Variants in ARHGAP22 observed in about 807,000 individuals in gnomAD.
The protein encoded by ARHGAP22 is Rho GTPase activating protein 22.
ARHGAP22 carries 48 observed loss-of-function variants against 59.1 expected under a neutral mutation model. The observed-to-expected ratio is 0.81, with a 90% CI of 0.64 to 1.03. The LOEUF is 1.03. Ranked by LOEUF, ARHGAP22 falls within the 50% of genes least tolerant of loss-of-function variation. ARHGAP22 has a pLI of 0.00. For synonymous variants in ARHGAP22, 445 were observed against 416.4 expected, an observed-to-expected ratio of 1.07 and a Z score of -0.84; for missense variants, 1,015 against 958.7, an observed-to-expected ratio of 1.06 and a Z score of -0.78.
At chr10:48,627,509 T>C (rs1274501379) in intron 1 of ARHGAP22, among the ~76,000 whole-genome samples, 4 of 152,216 alleles carry the variant, frequency 2.6e-5, no homozygotes, top group African/African-American at 4.8e-5. Flanking sequence ...GTACTCACTC[T>C]AGGTTCAAGG....
At chr10:48,508,984 G>A (rs146823304) in intron 3 of ARHGAP22, among the ~76,000 whole-genome samples, 157 of 152,372 alleles carry the variant, frequency 1.0e-3, no homozygotes, top group African/African-American at 3.6e-3. Context: ...TATCTAATGG[G>A]AAACAGAGGT....
intron 1 of ARHGAP22, among the ~76,000 whole-genome samples, chr10:48,622,350 T>C (rs1308550926): frequency 2.6e-5 from 4 of 152,222 alleles, no homozygotes; most frequent in African/African-American, 9.6e-5. Context: ...CTTCTTTTGT[T>C]TGGTTGGGTT....
At chr10:48,454,252 G>C in intron 6 of ARHGAP22, 91 bp from the exon 7 acceptor site, 1 of 1,233,162 alleles carries the variant, frequency 8.1e-7, no homozygotes, top group Non-Finnish European at 1.2e-6. Context: ...GAGAAGGGAG[G>C]TGGGGGCTAC....
chr10:48,478,068 C>T (rs2048911298), intron 4 of ARHGAP22, among the ~76,000 whole-genome samples: 1 of 152,154 alleles, frequency 6.6e-6, no homozygotes, highest in African/African-American at 2.4e-5. Context: ...AATGTTCCTT[C>T]CCTGGTGCTC....
At chr10:48,578,783 T>C (rs539004716) in intron 2 of ARHGAP22, among the ~76,000 whole-genome samples, 1 of 152,332 alleles carries the variant, frequency 6.6e-6, no homozygotes, top group East Asian at 1.9e-4. Context: ...TGCTGTCTTT[T>C]CTCAGTAGGT....
intron 3 of ARHGAP22, among the ~76,000 whole-genome samples, chr10:48,486,995 T>C (rs1364749206): frequency 6.6e-6 from 1 of 152,240 alleles, no homozygotes; most frequent in Non-Finnish European, 1.5e-5. Context: ...GTTTCACTAG[T>C]TATGGGTAAT....
chr10:48,438,657 CAAGT>C, the ARHGAP22 span: 14 of 152,312 alleles, frequency 9.2e-5, no homozygotes, highest in Admixed American at 9.1e-4. Context: ...TATGCTTTCC[CAAGT>C]AAGCTGTTGC....
intron 3 of ARHGAP22, among the ~76,000 whole-genome samples, chr10:48,499,400 GAA>G (rs1445056434): frequency 2.6e-5 from 4 of 152,206 alleles, no homozygotes; most frequent in Non-Finnish European, 5.9e-5. Flanking sequence ...GGGGAAATCT[GAA>G]AAGACACTTG....
At chr10:48,549,114 A>G (rs1232134684) in intron 3 of ARHGAP22, among the ~76,000 whole-genome samples, 1 of 152,238 alleles carries the variant, frequency 6.6e-6, no homozygotes, top group Non-Finnish European at 1.5e-5. Context: ...TTAGCCCACT[A>G]GCACTCATAC....
intron 3 of ARHGAP22, among the ~76,000 whole-genome samples, chr10:48,506,047 C>T (rs1316100813): frequency 6.6e-6 from 1 of 152,136 alleles, no homozygotes; most frequent in Non-Finnish European, 1.5e-5. Context: ...GACGCTCCTT[C>T]CCTCTTCACG....
chr10:48,564,238 T>C (rs2135420576), intron 2 of ARHGAP22, among the ~76,000 whole-genome samples: 1 of 152,340 alleles, frequency 6.6e-6, no homozygotes, highest in South Asian at 2.1e-4. Flanking sequence ...TAACATTTTT[T>C]ACTACACAAA....
intron 2 of ARHGAP22, among the ~76,000 whole-genome samples, chr10:48,571,351 G>T (rs1249997834): frequency 6.6e-6 from 1 of 152,186 alleles, no homozygotes; most frequent in African/African-American, 2.4e-5. Context: ...CCCTTAGCAA[G>T]ATTTCTTTTC....
At chr10:48,526,249 A>G (rs1218034317) in intron 3 of ARHGAP22, among the ~76,000 whole-genome samples, 4 of 152,230 alleles carry the variant, frequency 2.6e-5, no homozygotes, top group Non-Finnish European at 5.9e-5. Flanking sequence ...AGAATGACTT[A>G]GAGCAGGGAA....
chr10:48,608,314 C>T (rs562702835), upstream of ARHGAP22, among the ~76,000 whole-genome samples: 1 of 152,248 alleles, frequency 6.6e-6, no homozygotes, highest in East Asian at 1.9e-4. Context: ...GTGCACTGCT[C>T]AAAGGTGTCC....
chr10:48,486,670 C>T (rs569870720), intron 3 of ARHGAP22, among the ~76,000 whole-genome samples: 291 of 152,256 alleles, frequency 1.9e-3, no homozygotes, highest in African/African-American at 6.6e-3. Flanking sequence ...CATATATTTA[C>T]CCATGTAGTT....
the ARHGAP22 span, chr10:48,431,312 CT>C: frequency 7.3e-7 from 1 of 1,363,346 alleles, no homozygotes; most frequent in Non-Finnish European, 1.0e-6. Context: ...CAGTTTACTT[CT>C]TGTGTTGTAA....
At position 48,479,720 on chromosome 10, in the gene ARHGAP22, G is replaced by A. The variant is rs2049100614; in HGVS notation, c.367C>T (p.Leu123Phe). ...CGCTGGGAGCTGGCCATGAGCAGGA[G>A]CGCCTCGGGGTTGGCCGGCACCTTC... ...REKVPANPEA[L>F]LLMASSQRDM... is the part of the protein sequence containing the mutation. Residue 123 changes from leucine (L) to phenylalanine (F), a missense_variant, in exon 4 of 10, where the codon CTC becomes TTC. Coordinates refer to ENST00000249601, the MANE Select transcript of ARHGAP22 (RefSeq NM_021226.4). The A allele has an allele frequency of 3.1e-6, 5 of 1,606,556 alleles. No homozygotes were observed. Among genetic ancestry groups the A allele is most frequent in the Non-Finnish European group, 4.3e-6 (5 of 1,175,946 alleles).
chr10:48,515,050 T>C (rs1350906352), intron 3 of ARHGAP22, among the ~76,000 whole-genome samples: 4 of 152,126 alleles, frequency 2.6e-5, no homozygotes, highest in Admixed American at 2.6e-4. Flanking sequence ...ATAACATGTA[T>C]AGAAAACAAA....
At chr10:48,545,331 C>T (rs1564852081) in intron 3 of ARHGAP22, among the ~76,000 whole-genome samples, 1 of 152,176 alleles carries the variant, frequency 6.6e-6, no homozygotes, top group Admixed American at 6.5e-5. Flanking sequence ...TTCCAGGGAG[C>T]CTGCAGGAGT....
Sources: gnomAD v4.1 joint callset for allele counts (sites outside exome capture counted in the v4.1 genomes callset) on GRCh38, gnomAD v4.1.1 for gene constraint, MANE v1.5 for transcripts, NCBI Gene and HGNC (gene_info 2026-07-23, HGNC 2026-07-21) for gene names.